The following ME2 variants were observed in gnomAD, a reference collection of about 807,000 sequenced individuals.
ME2 encodes the protein NAD-dependent malic enzyme, mitochondrial.
Under a neutral mutation model 73.7 loss-of-function variants are expected in ME2, and 60 were observed. The observed-to-expected ratio is 0.81, with a 90% CI of 0.66 to 1.01. The LOEUF (loss-of-function observed/expected upper bound fraction) is 1.01. Among genes scored for constraint, ME2 ranks in the 50% least tolerant of loss-of-function variants. The probability of loss-of-function intolerance (pLI) is 0.00; values close to 1 mark genes in which losing one functional copy is unlikely to be tolerated. For missense variants in ME2, 594 were observed against 705.5 expected, an observed-to-expected ratio of 0.84 and a Z score of 1.79; for synonymous variants, 199 against 236.9, an observed-to-expected ratio of 0.84 and a Z score of 1.47.
chr18:50,949,912 C>T lies in ME2; in HGVS notation c.*2728C>T, dbSNP rs1167548542. ...CTAAGAATACAGGAAGGACTATGAG[C>T]ATTGAGGAAATCGGGGGAGGCCAGA... On this transcript the variant is annotated 3_prime_UTR_variant, in exon 16 of 16. Transcript: ENST00000321341. 6.6e-6 allele frequency: 1 copy of T among 152,108 alleles called. No individual in the cohort carries two copies. Among genetic ancestry groups the T allele is most frequent in the Admixed American group, 6.6e-5 (1 of 15,266 alleles). The allele number at this position is 152,108 out of a possible 1,614,324, so 9.4% of individuals were successfully genotyped here.
intron 1 of ME2, among the ~76,000 whole-genome samples, chr18:50,883,564 T>A (rs1405097081): frequency 1.3e-5 from 2 of 152,154 alleles, no homozygotes; most frequent in African/African-American, 2.4e-5. Flanking sequence ...CATATTCCAG[T>A]ATTCAAGAAA....
rs1265195386 is a variant in ME2 at position 50,940,388 on chromosome 18, T to G, written c.1587+2T>G. Reference sequence around the variant, plus strand: ...GTTTCTATTAACATTGCTATTAAAGTAAGTAATAACTTAAACTTCTTCACA... The same window carrying G: ...GTTTCTATTAACATTGCTATTAAAGGAAGTAATAACTTAAACTTCTTCACA... On this transcript the variant is annotated splice_donor_variant, in intron 15 of 15. Transcript: ENST00000321341. LOFTEE classifies it high-confidence loss of function. 6.5e-7 allele frequency: 1 copy of G among 1,535,802 alleles called. No homozygotes were observed. Among genetic ancestry groups the G allele is most frequent in the Non-Finnish European group, 8.9e-7 (1 of 1,118,854 alleles).
chr18:50,930,690 A>G (rs1917670676), intron 12 of ME2, among the ~76,000 whole-genome samples: 1 of 152,120 alleles, frequency 6.6e-6, no homozygotes, highest in African/African-American at 2.4e-5. Context: ...CCATGAGAAC[A>G]TTTTTTCCAT....
In ME2 at chr18:50,948,834, A is replaced by T. The variant is rs664298; in HGVS notation, c.*1650A>T. ...TGGGATTACAGGCGTGAGCCACCGC[A>T]CCCAGCCAATTTTTTTTTTTTTTTT... On this transcript the variant is annotated 3_prime_UTR_variant, in exon 16 of 16. Transcript: ENST00000321341. 1 of 144,408 alleles carries T rather than the reference A, an allele frequency of 6.9e-6. No homozygotes were observed. The highest frequency in any genetic ancestry group is 1.5e-5 in the Non-Finnish European group (1 of 66,594). The allele number at this position is 144,408 out of a possible 1,614,324, so 8.9% of individuals were successfully genotyped here. A position where few individuals can be genotyped will look rare whatever the true frequency, so the allele number is the denominator to read the frequency against.
intron 11 of ME2, among the ~76,000 whole-genome samples, chr18:50,924,843 A>G (rs1917509373): frequency 6.6e-6 from 1 of 151,658 alleles, no homozygotes; most frequent in African/African-American, 2.4e-5. Context: ...CACCACGCCC[A>G]GCTAATTTTT....
At position 50,947,153 on chromosome 18, in the gene ME2, C is replaced by T. The variant is rs1422628800; in HGVS notation, c.1724C>T (p.Ser575Phe). ...LLPDVYEWPE[S>F]ASSPPVITE ...CCAGATGTGTATGAATGGCCAGAAT[C>T]TGCATCAAGCCCTCCTGTGATAACA... Residue 575 changes from serine to phenylalanine, a missense_variant, in exon 16 of 16, where the codon TCT becomes TTT. Transcript: ENST00000321341. 1 of 1,613,504 alleles carries T rather than the reference C, an allele frequency of 6.2e-7. No individual in the cohort carries two copies.
intron 15 of ME2, among the ~76,000 whole-genome samples, chr18:50,946,482 TA>T (rs1421508037): frequency 6.6e-6 from 1 of 152,058 alleles, no homozygotes; most frequent in Admixed American, 6.6e-5. Flanking sequence ...TTGTCGAGAG[TA>T]AAGGAGGTAT....
intron 11 of ME2, 124 bp from the exon 12 acceptor site, chr18:50,925,632 C>T (rs1393481067): frequency 1.4e-6 from 1 of 733,664 alleles, no homozygotes; most frequent in Non-Finnish European, 2.3e-6. Context: ...TGAGATAGTG[C>T]TATCTTTGTA....
intron 4 of ME2, among the ~76,000 whole-genome samples, chr18:50,913,827 T>C (rs1198625698): frequency 6.8e-6 from 1 of 146,790 alleles, no homozygotes; most frequent in African/African-American, 2.5e-5. Flanking sequence ...GAAACCAATG[T>C]GACAGTTCTT....
chr18:50,883,788 A>G (rs1049188627), intron 1 of ME2, among the ~76,000 whole-genome samples: 3 of 152,044 alleles, frequency 2.0e-5, no homozygotes, highest in African/African-American at 7.2e-5. Context: ...TGCTTGACCT[A>G]GGAGGTGGAG....
At chr18:50,893,858 A>G (rs2144193585) in intron 1 of ME2, among the ~76,000 whole-genome samples, 1 of 152,362 alleles carries the variant, frequency 6.6e-6, no homozygotes, top group African/African-American at 2.4e-5. Context: ...GAACAAAACC[A>G]TCCCTACTAT....
intron 9 of ME2, 60 bp downstream of exon 9, chr18:50,920,818 G>T: frequency 2.3e-6 from 3 of 1,292,162 alleles, no homozygotes; most frequent in South Asian, 2.7e-5. Context: ...TTAGAAAATG[G>T]GCAGAATATT....
intron 12 of ME2, among the ~76,000 whole-genome samples, chr18:50,927,428 C>T (rs866053351): frequency 3.6e-4 from 55 of 151,958 alleles, no homozygotes; most frequent in African/African-American, 1.0e-3. Context: ...GGGCCGGGCA[C>T]GGTGGCTCAC....
At chr18:50,923,202 A>G (rs1917470326) in intron 10 of ME2, among the ~76,000 whole-genome samples, 1 of 152,160 alleles carries the variant, frequency 6.6e-6, no homozygotes, top group African/African-American at 2.4e-5. Context: ...GTGCAAGTCC[A>G]TGGTGTCTGT....
chr18:50,929,300 A>G (rs191583683), intron 12 of ME2, among the ~76,000 whole-genome samples: 24 of 151,974 alleles, frequency 1.6e-4, no homozygotes, highest in African/African-American at 5.5e-4. Flanking sequence ...CCAACTAAAA[A>G]TACAGGTGAA....
chr18:50,953,776 T>C lies in ME2; in HGVS notation c.*6592T>C, dbSNP rs911853823. On this transcript the variant is annotated 3_prime_UTR_variant, in exon 16 of 16. Transcript: ENST00000321341. ...TTGAAAGGTGAGAATAATTAGAAAG[T>C]AGTAATATAAAAATGTGTATGAAAT... 2.8e-4 allele frequency: 43 copies of C among 152,332 alleles called. No individual in the cohort carries two copies. The highest frequency in any genetic ancestry group is 7.7e-4 in the African/African-American group (32 of 41,574). 9.4% of individuals were successfully genotyped at this position (152,332 alleles called of 1,614,324 possible).
At position 50,948,317 on chromosome 18, in the gene ME2, C is replaced by G. The variant is rs1041522942; in HGVS notation, c.*1133C>G. Reference sequence around the variant, plus strand: ...AGTAAAATGGGTAATAATGGCTATCCAGAACAGTTTTCTTGTGTGGCTTGC... The same window carrying G: ...AGTAAAATGGGTAATAATGGCTATCGAGAACAGTTTTCTTGTGTGGCTTGC... On this transcript the variant is annotated 3_prime_UTR_variant, in exon 16 of 16. Transcript: ENST00000321341. The G allele has an allele frequency of 6.6e-6, 1 of 151,984 alleles. No homozygotes were observed. The highest frequency in any genetic ancestry group is 1.9e-4 in the East Asian group (1 of 5,188). 9.4% of individuals were successfully genotyped at this position (151,984 alleles called of 1,614,324 possible).
In ME2 at chr18:50,918,702, C is replaced by CTTT. The variant is rs34143282; in HGVS notation, c.734+502_734+504dup. On this transcript the variant is annotated intron_variant, in intron 7 of 15. Coordinates refer to ENST00000321341, the MANE Select transcript of ME2 (RefSeq NM_002396.5). The stretch of plus-strand genomic sequence containing the variant: ...AACTTGGTCTTTCTCCCACCTTTCT[C>CTTT]TTTTTTTTTTTTTTTGTCATCTTCA... Among the ~76,000 whole-genome samples, 13 of 141,766 alleles carry CTTT rather than the reference C, an allele frequency of 9.2e-5. 1 individual carries two copies. The highest frequency in any genetic ancestry group is 1.2e-4 in the Non-Finnish European group (8 of 65,448). The allele number at this position is 141,766 out of a possible 152,430, so 93.0% of individuals were successfully genotyped here. A position where few individuals can be genotyped will look rare whatever the true frequency, so the allele number is the denominator to read the frequency against.
At chr18:50,905,098 TGCCTCAGCCTCTCGAGTA>T (rs1192312137) in intron 2 of ME2, among the ~76,000 whole-genome samples, 4 of 152,260 alleles carry the variant, frequency 2.6e-5, no homozygotes, top group Non-Finnish European at 4.4e-5. Flanking sequence ...GCAATTCTCC[TGCCTCAGCCTCTCGAGTA>T]GCTGGGACTA....
Sources: allele counts gnomAD v4.1 joint callset (sites outside exome capture counted in the v4.1 genomes callset), GRCh38; gene constraint gnomAD v4.1.1; transcripts MANE v1.5; gene names NCBI Gene and HGNC (gene_info 2026-07-23, HGNC 2026-07-21).